Variants in USP9Y observed in about 807,000 individuals in gnomAD.
USP9Y encodes ubiquitin specific peptidase 9 Y-linked, also known as ubiquitin carboxyl-terminal hydrolase 9Y.
USP9Y carries 41 observed loss-of-function variants against 53.1 expected under a neutral mutation model. The observed-to-expected ratio is 0.77, with a 90% CI of 0.60 to 1.00. The LOEUF (loss-of-function observed/expected upper bound fraction) is 1.00, where lower values mean the gene tolerates loss of function less well. Among genes scored for constraint, USP9Y ranks in the 50% least tolerant of loss-of-function variants. USP9Y has a pLI of 0.00. For synonymous variants in USP9Y, 220 were observed against 173.7 expected, an observed-to-expected ratio of 1.27 and a Z score of -2.09; for missense variants, 567 against 535.8, an observed-to-expected ratio of 1.06 and a Z score of -0.58.
chrY:12,778,090 A>G lies in USP9Y; in HGVS notation c.2711A>G (p.Asp904Gly), dbSNP rs1475248154. ...CAGGGCAGACAGGTTGATGAGTTGG[A>G]TATATGGTCTCATACGAATGACACA... is the stretch of plus-strand genomic sequence containing the variant. ...PNQGRQVDEL[D>G]IWSHTNDTIG... Residue 904 changes from aspartate to glycine, a missense_variant, in exon 20 of 46, where the codon GAT (aspartate) becomes GGT (glycine). Asp to Gly is a moderately conservative substitution (Grantham distance 94, BLOSUM62 -1). Transcript: ENST00000338981. The G allele has an allele frequency of 2.5e-6, 1 of 397,653 alleles. No homozygotes were observed. The highest frequency in any genetic ancestry group is 3.0e-5 in the South Asian group (1 of 33,714).
At chrY:12,843,276 T>C in intron 39 of USP9Y, 83 bp downstream of exon 39, 1 of 232,758 alleles carries the variant, frequency 4.3e-6, no homozygotes, top group Admixed American at 9.7e-5. Context: ...AGTGATTACA[T>C]GTAATTTGTT....
At chrY:12,820,783 A>G in intron 33 of USP9Y, among the ~76,000 whole-genome samples, 2 of 33,732 alleles carry the variant, frequency 5.9e-5, no homozygotes, top group African/African-American at 1.2e-4. Flanking sequence ...ACACAGTTAC[A>G]TAATTATATA....
chrY:12,835,813 T>C, intron 34 of USP9Y, among the ~76,000 whole-genome samples: 1 of 33,199 alleles, frequency 3.0e-5, no homozygotes, highest in South Asian at 6.7e-4. Flanking sequence ...AGATACTGTT[T>C]AGACATTTTG....
intron 7 of USP9Y, among the ~76,000 whole-genome samples, chrY:12,728,482 A>T: frequency 3.1e-5 from 1 of 32,053 alleles, no homozygotes; most frequent in Non-Finnish European, 7.6e-5. Context: ...CAGTGAAGTG[A>T]TTGGGTTTTG....
chrY:12,732,946 C>T, intron 7 of USP9Y, among the ~76,000 whole-genome samples: 1 of 32,228 alleles, frequency 3.1e-5, no homozygotes, highest in Non-Finnish European at 7.6e-5. Context: ...GAGCCTTACT[C>T]TGTCTCTCAG....
At chrY:12,702,713 T>TA (rs1330156732) in intron 1 of USP9Y, among the ~76,000 whole-genome samples, 17 of 33,786 alleles carry the variant, frequency 5.0e-4, no homozygotes, top group Non-Finnish European at 1.1e-3. Context: ...ATAACAGTAG[T>TA]AAGTCTTGTA....
chrY:12,729,303 C>T, intron 7 of USP9Y, among the ~76,000 whole-genome samples: 1 of 34,164 alleles, frequency 2.9e-5, no homozygotes, highest in Non-Finnish European at 7.3e-5. Flanking sequence ...CAGCTTTTGC[C>T]GCATCTCATA....
At chrY:12,820,294 TAAG>T (rs2053540258) in intron 33 of USP9Y, among the ~76,000 whole-genome samples, 1 of 33,598 alleles carries the variant, frequency 3.0e-5, no homozygotes, top group African/African-American at 1.2e-4. Flanking sequence ...CTGCCCCTCA[TAAG>T]AATTTAGAGT....
At chrY:12,858,679 T>A (rs2053580142) in intron 45 of USP9Y, among the ~76,000 whole-genome samples, 1 of 32,831 alleles carries the variant, frequency 3.0e-5, no homozygotes, top group Non-Finnish European at 7.5e-5. Context: ...GGAAAACACA[T>A]GGAAAACCTT....
At chrY:12,709,830 A>G in intron 3 of USP9Y, among the ~76,000 whole-genome samples, 1 of 31,963 alleles carries the variant, frequency 3.1e-5, no homozygotes, top group African/African-American at 1.2e-4. Context: ...AGATAGTCCC[A>G]TCTACCTGGG....
At chrY:12,712,180 T>C (rs2053425533) in intron 3 of USP9Y, among the ~76,000 whole-genome samples, 1 of 33,481 alleles carries the variant, frequency 3.0e-5, no homozygotes, top group African/African-American at 1.2e-4. Context: ...TCTAGAGATA[T>C]CAGTTAGATC....
At chrY:12,825,944 TTTTC>T in intron 33 of USP9Y, among the ~76,000 whole-genome samples, 1 of 23,558 alleles carries the variant, frequency 4.2e-5, no homozygotes, top group Admixed American at 4.1e-4. Context: ...TTTTCTTTTC[TTTTC>T]TATTTGAAAT....
chrY:12,745,467 G>A, intron 12 of USP9Y, among the ~76,000 whole-genome samples: 1 of 33,173 alleles, frequency 3.0e-5, no homozygotes. Context: ...GTTACTCACC[G>A]CAGGTTAGGA....
chrY:12,818,471 G>A lies in USP9Y; in HGVS notation c.4882G>A (p.Asp1628Asn). The A allele has an allele frequency of 2.5e-6, 1 of 397,428 alleles. No homozygotes were observed. Among genetic ancestry groups the A allele is most frequent in the Non-Finnish European group, 3.5e-6 (1 of 282,752 alleles). Residue 1628 changes from aspartate (D) to asparagine (N), a missense_variant, in exon 33 of 46, where the codon GAC (aspartate) becomes AAC (asparagine). Transcript: ENST00000338981. ...ATTTGGATATCCTCATCAATTTGAAGACAAGCCAGCATTAAGTAAGACAGA... is the reference window on the plus strand; with the variant it reads ...ATTTGGATATCCTCATCAATTTGAAAACAAGCCAGCATTAAGTAAGACAGA... ...DVFGYPHQFEDKPALSKTEDR... is the reference protein window; with the variant it reads ...DVFGYPHQFENKPALSKTEDR...
intron 31 of USP9Y, 110 bp downstream of exon 31, chrY:12,813,162 A>G: frequency 4.2e-5 from 8 of 192,018 alleles, no homozygotes; most frequent in Non-Finnish European, 7.1e-5. Context: ...TTTTGATCCA[A>G]TGAGTTTAAC....
At chrY:12,811,876 A>G in intron 30 of USP9Y, 95 bp downstream of exon 30, 1 of 210,960 alleles carries the variant, frequency 4.7e-6, no homozygotes, top group Non-Finnish European at 7.8e-6. Flanking sequence ...CGCAGCCTCC[A>G]CCTCCCGGGT....
chrY:12,744,753 G>T, intron 12 of USP9Y, among the ~76,000 whole-genome samples: 1 of 33,668 alleles, frequency 3.0e-5, no homozygotes, highest in Admixed American at 2.7e-4. Context: ...AATGAGACAA[G>T]AAGTGGGGAA....
intron 16 of USP9Y, among the ~76,000 whole-genome samples, chrY:12,772,604 A>C: frequency 3.3e-5 from 1 of 30,266 alleles, no homozygotes; most frequent in Non-Finnish European, 7.9e-5. Context: ...GTCTCTACTA[A>C]AAATACAAAA....
At position 12,775,485 on chromosome Y, in the gene USP9Y, T is replaced by C; in HGVS notation, c.2346T>C (p.Ser782=). ...LDYLWRVVIQ[S]SDEIANRAID... ...TTTGGAACCAGGTTGTGATTCAGAG[T>C]AGTGACGAGATTGCTAACAGAGCTA... The change falls in exon 18 of 46, where the codon AGT becomes AGC. Residue 782 remains serine, a synonymous_variant. Transcript: ENST00000338981. 1 of 394,220 alleles carries C rather than the reference T, an allele frequency of 2.5e-6. No homozygotes were observed. The highest frequency in any genetic ancestry group is 3.6e-6 in the Non-Finnish European group (1 of 280,699).
Sources: gnomAD v4.1 joint callset for allele counts (sites outside exome capture counted in the v4.1 genomes callset) on GRCh38, gnomAD v4.1.1 for gene constraint, MANE v1.5 for transcripts, NCBI Gene and HGNC (gene_info 2026-07-23, HGNC 2026-07-21) for gene names.